Variants in DLG2 observed in about 807,000 individuals in gnomAD.
DLG2 encodes the protein discs large MAGUK scaffold protein 2, also known as disks large homolog 2.
DLG2 carries 45 observed loss-of-function variants against 132.5 expected under a neutral mutation model. The observed-to-expected ratio is 0.34, with a 90% CI of 0.27 to 0.44. The LOEUF is 0.44. Ranked by LOEUF, DLG2 falls within the 20% of genes least tolerant of loss-of-function variation. The pLI, the probability that DLG2 is intolerant of heterozygous loss-of-function variation, is 1.00. For missense variants in DLG2, 1,045 were observed against 1,196.9 expected, an observed-to-expected ratio of 0.87 and a Z score of 1.87; for synonymous variants, 424 against 419.6, an observed-to-expected ratio of 1.01 and a Z score of -0.13.
chr11:84,657,365 G>C, intron 6 of DLG2, among the ~76,000 whole-genome samples: 1 of 152,094 alleles, frequency 6.6e-6, no homozygotes, highest in Non-Finnish European at 1.5e-5. Flanking sequence ...CCATAGAAAA[G>C]AGCAAAGAGC....
Position 83,670,715 on chromosome 11 carries a change from G to C in DLG2, c.1826-37390C>G, listed in dbSNP as rs915606459. Among the ~76,000 whole-genome samples the C allele has an allele frequency of 1.3e-5, 2 of 152,032 alleles. 1 individual carries two copies. The highest frequency in any genetic ancestry group is 4.8e-5 in the African/African-American group (2 of 41,396). On this transcript the variant is annotated intron_variant, in intron 18 of 27. Transcript: ENST00000376104. Reference sequence around the variant, plus strand: ...TTTAATAAATTTATCTCATTGCATTGCTCCTGGGTGGGTAACTAAGAACTC... The same window carrying C: ...TTTAATAAATTTATCTCATTGCATTCCTCCTGGGTGGGTAACTAAGAACTC...
chr11:84,821,607 C>A, intron 6 of DLG2, among the ~76,000 whole-genome samples: 1 of 144,828 alleles, frequency 6.9e-6, no homozygotes. Context: ...ATAGTTTGCT[C>A]ACCTATGGTT....
chr11:84,907,531 G>A (rs1591059567), intron 6 of DLG2, among the ~76,000 whole-genome samples: 1 of 152,164 alleles, frequency 6.6e-6, no homozygotes, highest in African/African-American at 2.4e-5. Context: ...GTTTATGTGT[G>A]AGTCAGTCAA....
chr11:84,692,864 G>C (rs1343946507), intron 6 of DLG2, among the ~76,000 whole-genome samples: 1 of 151,636 alleles, frequency 6.6e-6, no homozygotes, highest in Non-Finnish European at 1.5e-5. Context: ...CTTATCATTT[G>C]CCAGGTACTA....
chr11:84,874,847 C>A (rs1251703051), intron 6 of DLG2, among the ~76,000 whole-genome samples: 1 of 151,784 alleles, frequency 6.6e-6, no homozygotes, highest in Non-Finnish European at 1.5e-5. Flanking sequence ...ATGGTGAAAC[C>A]CCGTCTCCAC....
At chr11:84,745,060 C>A (rs1316129350) in intron 6 of DLG2, among the ~76,000 whole-genome samples, 2 of 151,894 alleles carry the variant, frequency 1.3e-5, no homozygotes, top group Admixed American at 6.6e-5. Context: ...AATAGTTATA[C>A]CGACAGTTCA....
At chr11:83,526,194 T>G (rs998256419) in intron 21 of DLG2, among the ~76,000 whole-genome samples, 1 of 152,202 alleles carries the variant, frequency 6.6e-6, no homozygotes, top group African/African-American at 2.4e-5. Context: ...AGAATATTAC[T>G]AGGAACAGTC....
chr11:84,667,080 C>T (rs986370635), intron 6 of DLG2, among the ~76,000 whole-genome samples: 17 of 151,920 alleles, frequency 1.1e-4, no homozygotes, highest in Non-Finnish European at 1.8e-4. Flanking sequence ...TTAAAATATC[C>T]GTTATGTGAG....
intron 18 of DLG2, among the ~76,000 whole-genome samples, chr11:83,667,975 CA>C (rs10688898): frequency 2.5e-5 from 1 of 39,600 alleles, no homozygotes; most frequent in Admixed American, 4.3e-4. Flanking sequence ...GACTCCGTCT[CA>C]AAAAAAAAAA....
At chr11:84,308,868 C>T (rs1218232102) in intron 7 of DLG2, among the ~76,000 whole-genome samples, 1 of 152,198 alleles carries the variant, frequency 6.6e-6, no homozygotes, top group Non-Finnish European at 1.5e-5. Flanking sequence ...CCGGAACTCA[C>T]GCTGGCCCAC....
chr11:83,918,065 G>A (rs2077218360), intron 15 of DLG2, among the ~76,000 whole-genome samples: 1 of 152,162 alleles, frequency 6.6e-6, no homozygotes, highest in South Asian at 2.1e-4. Flanking sequence ...GAAGGCAGAT[G>A]TCCCATTACA....
chr11:83,515,126 G>T (rs2095243458), intron 21 of DLG2, among the ~76,000 whole-genome samples: 1 of 152,120 alleles, frequency 6.6e-6, no homozygotes, highest in Non-Finnish European at 1.5e-5. Context: ...TTGTACCTCT[G>T]GTAGAATTCG....
intron 6 of DLG2, among the ~76,000 whole-genome samples, chr11:85,087,562 G>C (rs2068096541): frequency 2.6e-5 from 4 of 152,170 alleles, no homozygotes; most frequent in Admixed American, 1.3e-4. Flanking sequence ...TCATGGGCCG[G>C]GCGCGGTGGC....
At chr11:84,987,799 C>A (rs922361855) in intron 6 of DLG2, among the ~76,000 whole-genome samples, 1 of 152,140 alleles carries the variant, frequency 6.6e-6, no homozygotes, top group Admixed American at 6.5e-5. Flanking sequence ...AATGTGAGAC[C>A]TGAAACTATA....
intron 3 of DLG2, among the ~76,000 whole-genome samples, chr11:85,578,735 A>T (rs1428942157): frequency 6.6e-6 from 1 of 152,182 alleles, no homozygotes; most frequent in Non-Finnish European, 1.5e-5. Flanking sequence ...AAAATAACAG[A>T]TACTAGAAAG....
intron 3 of DLG2, among the ~76,000 whole-genome samples, chr11:85,588,099 C>T (rs1043819963): frequency 6.6e-6 from 1 of 152,154 alleles, no homozygotes; most frequent in African/African-American, 2.4e-5. Flanking sequence ...TTATAGGTTA[C>T]CTGATGCTTT....
chr11:84,316,761 C>A (rs146801160), intron 7 of DLG2: 1 of 1,494,540 alleles, frequency 6.7e-7, no homozygotes, highest in East Asian at 2.4e-5. Context: ...GCCATTCTAA[C>A]CTTAAACAAC....
chr11:84,439,475 G>GT (rs143223603), intron 7 of DLG2, among the ~76,000 whole-genome samples: 8,074 of 152,172 alleles, frequency 0.053, 635 homozygotes, highest in African/African-American at 0.17. Context: ...CCAGGGTTTG[G>GT]TTTTTCCATT....
At chr11:85,036,963 G>C (rs1227154629) in intron 6 of DLG2, among the ~76,000 whole-genome samples, 4 of 152,148 alleles carry the variant, frequency 2.6e-5, no homozygotes, top group Admixed American at 6.6e-5. Context: ...TTTGTTCTCA[G>C]AAGTACCCCC....
Sources: gnomAD v4.1 joint callset for allele counts (sites outside exome capture counted in the v4.1 genomes callset) on GRCh38, gnomAD v4.1.1 for gene constraint, MANE v1.5 for transcripts, NCBI Gene and HGNC (gene_info 2026-07-23, HGNC 2026-07-21) for gene names.